The following PPARGC1B variants were observed in gnomAD, a reference collection of about 807,000 sequenced individuals.
PPARGC1B encodes the protein PPARG coactivator 1 beta.
A neutral mutation model predicts 101.6 loss-of-function variants in PPARGC1B; 34 were observed. That is an observed-to-expected ratio of 0.33 (90% CI 0.25 to 0.45). PPARGC1B has a LOEUF of 0.45. PPARGC1B is among the 20% of genes least tolerant of loss of function. The pLI is 1.00. For synonymous variants in PPARGC1B, 548 were observed against 539.3 expected, an observed-to-expected ratio of 1.02 and a Z score of -0.22; for missense variants, 1,234 against 1,317.6, an observed-to-expected ratio of 0.94 and a Z score of 0.98.
intron 1 of PPARGC1B, among the ~76,000 whole-genome samples, chr5:149,754,199 C>T (rs1755423971): frequency 6.6e-6 from 1 of 152,232 alleles, no homozygotes; most frequent in Admixed American, 6.5e-5. Flanking sequence ...TTAAGACTCA[C>T]CTGTGTTGCC....
chr5:149,837,340 C>T lies in PPARGC1B; in HGVS notation c.2618+267C>T, dbSNP rs1334126424. Among the ~76,000 whole-genome samples the T allele has an allele frequency of 6.6e-6, 1 of 152,210 alleles. No homozygotes were observed. Among genetic ancestry groups the T allele is most frequent in the African/African-American group, 2.4e-5 (1 of 41,462 alleles). ...CTCCAGAAAGAAAGAAAACCCACTCCTGGCTATTTGTGGGCTTACGTCTAT... is the reference window on the plus strand; with the variant it reads ...CTCCAGAAAGAAAGAAAACCCACTCTTGGCTATTTGTGGGCTTACGTCTAT... On this transcript the variant is annotated intron_variant, in intron 8 of 11. Coordinates refer to ENST00000309241, the MANE Select transcript of PPARGC1B (RefSeq NM_133263.4). The surrounding 1 kb of genome is among the most constrained non-coding windows in gnomAD (Gnocchi z 4.2).
At chr5:149,824,360 T>G (rs1200185181) in intron 2 of PPARGC1B, among the ~76,000 whole-genome samples, 1 of 152,154 alleles carries the variant, frequency 6.6e-6, no homozygotes. Context: ...CATTGTTCAT[T>G]GTTTGGTTCA....
intron 1 of PPARGC1B, among the ~76,000 whole-genome samples, chr5:149,735,356 C>T (rs1328052447): frequency 6.6e-6 from 1 of 152,152 alleles, no homozygotes; most frequent in Non-Finnish European, 1.5e-5. Context: ...GGCAGAAGTT[C>T]CACTATGCCA....
Position 149,833,876 on chromosome 5 carries a change from C to T in PPARGC1B, c.1705+98C>T. Reference sequence around the variant, plus strand: ...GGAGCCCTGTGTTCAAGTCCCCGTCCCCCAACAAAGTGTTATATGGGTTTG... The same window carrying T: ...GGAGCCCTGTGTTCAAGTCCCCGTCTCCCAACAAAGTGTTATATGGGTTTG... On this transcript the variant is annotated intron_variant, in intron 5 of 11. Coordinates refer to ENST00000309241, the MANE Select transcript of PPARGC1B (RefSeq NM_133263.4). This position sits in a 1 kb window ranked among gnomAD's most constrained non-coding sequence, Gnocchi z 4.1. 1 of 1,413,200 alleles carries T rather than the reference C, an allele frequency of 7.1e-7. No individual in the cohort carries two copies. Among genetic ancestry groups the T allele is most frequent in the South Asian group, 1.7e-5 (1 of 60,268 alleles). 87.5% of individuals were successfully genotyped at this position (1,413,200 alleles called of 1,614,324 possible).
At chr5:149,844,409 G>GGAGGCCGAGGCA (rs1759470526) in intron 10 of PPARGC1B, among the ~76,000 whole-genome samples, 3 of 152,344 alleles carry the variant, frequency 2.0e-5, no homozygotes, top group African/African-American at 7.2e-5. Context: ...CAACACTTTG[G>GGAGGCCGAGGCA]GACAGATTAC....
At chr5:149,841,646 C>T (rs1257133595) in intron 9 of PPARGC1B, among the ~76,000 whole-genome samples, 1 of 152,168 alleles carries the variant, frequency 6.6e-6, no homozygotes, top group Non-Finnish European at 1.5e-5. Flanking sequence ...TCAACCAGAT[C>T]AAATCACAGA....
At chr5:149,773,038 A>G (rs985115154) in intron 1 of PPARGC1B, among the ~76,000 whole-genome samples, 1 of 152,036 alleles carries the variant, frequency 6.6e-6, no homozygotes, top group Non-Finnish European at 1.5e-5. Flanking sequence ...GATATTTTCT[A>G]TTGGGGTATG....
At chr5:149,784,172 C>T (rs1374072049) in intron 1 of PPARGC1B, among the ~76,000 whole-genome samples, 1 of 152,026 alleles carries the variant, frequency 6.6e-6, no homozygotes, top group Non-Finnish European at 1.5e-5. Flanking sequence ...TCAGGGAGCC[C>T]ACCCTAATTT....
At position 149,833,791 on chromosome 5, in the gene PPARGC1B, G is replaced by T; in HGVS notation, c.1705+13G>T. 1 of 1,480,944 alleles carries T rather than the reference G, an allele frequency of 6.8e-7. No homozygotes were observed. Among genetic ancestry groups the T allele is most frequent in the Non-Finnish European group, 8.9e-7 (1 of 1,120,054 alleles). The allele number at this position is 1,480,944 out of a possible 1,614,324, so 91.7% of individuals were successfully genotyped here. On this transcript the variant is annotated intron_variant, in intron 5 of 11. Transcript: ENST00000309241. The surrounding 1 kb of genome is among the most constrained non-coding windows in gnomAD (Gnocchi z 4.1). ...CTCCCTCCCAGAGGTAGTCAGAGTTGGTGGTCTGCGAAGTGGGGGCAGGGA... is the reference window on the plus strand; with the variant it reads ...CTCCCTCCCAGAGGTAGTCAGAGTTTGTGGTCTGCGAAGTGGGGGCAGGGA...
intron 1 of PPARGC1B, among the ~76,000 whole-genome samples, chr5:149,797,837 C>T (rs1581064920): frequency 6.6e-6 from 1 of 152,266 alleles, no homozygotes; most frequent in East Asian, 1.9e-4. Flanking sequence ...AGGAGAATTG[C>T]TTGAATCTGG....
At chr5:149,743,675 G>A (rs1408683124) in intron 1 of PPARGC1B, among the ~76,000 whole-genome samples, 3 of 152,186 alleles carry the variant, frequency 2.0e-5, no homozygotes, top group South Asian at 2.1e-4. Context: ...GCCTGGAGAC[G>A]TGCTAGGATG....
At chr5:149,775,437 G>A (rs1289523319) in intron 1 of PPARGC1B, among the ~76,000 whole-genome samples, 1 of 152,140 alleles carries the variant, frequency 6.6e-6, no homozygotes, top group Non-Finnish European at 1.5e-5. Flanking sequence ...GCAGTAGGGT[G>A]ACGCATGTGG....
rs79108810 is a variant in PPARGC1B, at chr5:149,830,978, A to G, written c.582+95A>G. 1.6e-4 allele frequency: 136 copies of G among 838,716 alleles called. No individual in the cohort carries two copies. The African/African-American group carries it at 2.0e-3, about 13-fold the overall frequency. 52.0% of individuals were successfully genotyped at this position (838,716 alleles called of 1,614,324 possible). On this transcript the variant is annotated intron_variant, in intron 4 of 11. Coordinates refer to ENST00000309241, the MANE Select transcript of PPARGC1B (RefSeq NM_133263.4). ...GGATAGCGAGTTCAGTCAACCTCCA[A>G]TATCTCTTCCCACTCCTCCCACAGC...
chr5:149,836,933 G>C lies in PPARGC1B; in HGVS notation c.2478G>C (p.Gly826=). 6.2e-7 allele frequency: 1 copy of C among 1,613,832 alleles called. No individual in the cohort carries two copies. The highest frequency in any genetic ancestry group is 8.5e-7 in the Non-Finnish European group (1 of 1,180,006). Residue 826 remains glycine (G), a synonymous_variant, in exon 8 of 12, where the codon GGG becomes GGC. Transcript: ENST00000309241. ...AGGACGATGAAGAAGAGGACTCAGG[G>C]GTCAGCCCCACTTGCTCTGACCACT... ...EEEDDEEEDS[G]VSPTCSDHCP...
At chr5:149,834,826 C>G (rs944038300) in intron 6 of PPARGC1B, 116 bp downstream of exon 6, 1 of 891,378 alleles carries the variant, frequency 1.1e-6, no homozygotes, top group African/African-American at 1.7e-5. Flanking sequence ...GCCCCACACC[C>G]TGTGCCCTGA....
intron 1 of PPARGC1B, among the ~76,000 whole-genome samples, chr5:149,811,393 T>G (rs757175635): frequency 2.0e-5 from 3 of 152,274 alleles, no homozygotes; most frequent in Non-Finnish European, 1.5e-5. Flanking sequence ...TCAACTTTAT[T>G]GAATCCTTCC....
intron 1 of PPARGC1B, among the ~76,000 whole-genome samples, chr5:149,760,319 T>C (rs1349929034): frequency 6.6e-6 from 1 of 152,168 alleles, no homozygotes; most frequent in Admixed American, 6.5e-5. Context: ...GCCGCAGTGC[T>C]CCTGAAACCA....
chr5:149,741,342 G>T (rs1201086891), intron 1 of PPARGC1B, among the ~76,000 whole-genome samples: 1 of 152,184 alleles, frequency 6.6e-6, no homozygotes, highest in African/African-American at 2.4e-5. Context: ...CTGGTCTCAG[G>T]CTCTTTGCAA....
intron 5 of PPARGC1B, among the ~76,000 whole-genome samples, chr5:149,834,169 C>A (rs891614681): frequency 1.3e-5 from 2 of 152,238 alleles, no homozygotes; most frequent in African/African-American, 4.8e-5. Flanking sequence ...GTTTTAAATG[C>A]TGCTAATAGC....
Sources: allele counts gnomAD v4.1 joint callset (sites outside exome capture counted in the v4.1 genomes callset), GRCh38; gene constraint gnomAD v4.1.1; non-coding constraint Gnocchi (gnomAD v3.1); transcripts MANE v1.5; gene names NCBI Gene and HGNC (gene_info 2026-07-23, HGNC 2026-07-21).